Variants in ATP2B4 observed in about 807,000 individuals in gnomAD.
The protein encoded by ATP2B4 is plasma membrane calcium-transporting ATPase 4.
Under a neutral mutation model 110.3 loss-of-function variants are expected in ATP2B4, and 39 were observed. The ratio of observed to expected loss-of-function variants is 0.35; its 90% CI spans 0.27 to 0.46. The LOEUF is 0.46. ATP2B4 is among the 20% of genes least tolerant of loss of function. The pLI, the probability that ATP2B4 is intolerant of heterozygous loss-of-function variation, is 1.00. For synonymous variants in ATP2B4, 538 were observed against 571.7 expected, an observed-to-expected ratio of 0.94 and a Z score of 0.84; for missense variants, 1,135 against 1,530.9, an observed-to-expected ratio of 0.74 and a Z score of 4.32.
chr1:203,638,941 T>C (rs1490269818), intron 1 of ATP2B4, among the ~76,000 whole-genome samples: 1 of 152,142 alleles, frequency 6.6e-6, no homozygotes, highest in African/African-American at 2.4e-5. Flanking sequence ...CTCCTAACAG[T>C]CCCCTCCATG....
At position 203,699,331 on chromosome 1, in the gene ATP2B4, C is replaced by T. The variant is rs1665623313; in HGVS notation, c.392-129C>T. The stretch of plus-strand genomic sequence containing the variant: ...CTATCCTCTGATATCCTCTTCCAGC[C>T]AACAGTTGTATTTGCTATTATTCAC... On this transcript the variant is annotated intron_variant, in intron 3 of 20. Coordinates refer to ENST00000357681, the MANE Select transcript of ATP2B4 (RefSeq NM_001684.5). 3 of 1,258,118 alleles carry T rather than the reference C, an allele frequency of 2.4e-6. No individual in the cohort carries two copies. In the Middle Eastern group the frequency reaches 6.7e-4, roughly 279 times the overall value. The allele number at this position is 1,258,118 out of a possible 1,614,324, so 77.9% of individuals were successfully genotyped here.
chr1:203,653,599 A>G (rs572829937), intron 1 of ATP2B4, among the ~76,000 whole-genome samples: 10 of 152,270 alleles, frequency 6.6e-5, no homozygotes, highest in South Asian at 2.1e-4. Context: ...GTTAAAGTCA[A>G]TGTTTACCAT....
chr1:203,712,320 C>T (rs939230605), intron 13 of ATP2B4, among the ~76,000 whole-genome samples, 181 bp downstream of exon 13: 1 of 152,172 alleles, frequency 6.6e-6, no homozygotes, highest in African/African-American at 2.4e-5. Context: ...CGGCTGGGCG[C>T]GGTAGCTTAC....
chr1:203,698,189 C>T lies in ATP2B4; in HGVS notation c.226C>T (p.Arg76Cys), dbSNP rs756449111. ...TGGGAACCCTGCAGATCTGGAGAAA[C>T]GTAGGCAGGTGTTTGGACACAACGT... ...LSGNPADLEK[R>C]RQVFGHNVIP... Residue 76 changes from arginine to cysteine, a missense_variant, in exon 3 of 21, where the codon CGT becomes TGT. Arg to Cys is a radical substitution (Grantham distance 180). Around this residue, in one of 9 missense-constraint regions of ATP2B4, gnomAD observed 122 missense variants for 125.2 expected, o/e 0.97. Transcript: ENST00000357681. 4.8e-5 allele frequency: 77 copies of T among 1,614,016 alleles called. No individual in the cohort carries two copies. Among genetic ancestry groups the T allele is most frequent in the Middle Eastern group, 1.6e-4 (1 of 6,084 alleles).
chr1:203,740,000 A>T lies in ATP2B4; in HGVS notation c.*146A>T. ...TGAAGTGAACCTCTACCTGACCATG[A>T]AGAGGCAAGAGCACAGACTTACAAG... On this transcript the variant is annotated 3_prime_UTR_variant, in exon 21 of 21. Coordinates refer to ENST00000357681, the MANE Select transcript of ATP2B4 (RefSeq NM_001684.5). 2.3e-6 allele frequency: 2 copies of T among 874,928 alleles called. No individual in the cohort carries two copies. The highest frequency in any genetic ancestry group is 1.7e-5 in the African/African-American group (1 of 58,684). 54.2% of individuals were successfully genotyped at this position (874,928 alleles called of 1,614,324 possible). A position where few individuals can be genotyped will look rare whatever the true frequency, so the allele number is the denominator to read the frequency against.
At chr1:203,711,169 T>G in intron 12 of ATP2B4, 61 bp downstream of exon 12, 3 of 1,526,170 alleles carry the variant, frequency 2.0e-6, no homozygotes, top group Non-Finnish European at 2.7e-6. Context: ...CCCTTTCTAG[T>G]TGTGACCCCA....
At chr1:203,681,959 G>A (rs961351142) in intron 1 of ATP2B4, among the ~76,000 whole-genome samples, 6 of 150,776 alleles carry the variant, frequency 4.0e-5, no homozygotes, top group East Asian at 2.0e-4. Flanking sequence ...TTCACCCTGC[G>A]TCACCAACTG....
At chr1:203,641,615 G>T (rs919219770) in intron 1 of ATP2B4, among the ~76,000 whole-genome samples, 3 of 152,092 alleles carry the variant, frequency 2.0e-5, no homozygotes, top group Non-Finnish European at 4.4e-5. Context: ...TGTGCCAGCC[G>T]ATTAATATAC....
chr1:203,632,279 G>A (rs1663292335), intron 1 of ATP2B4, among the ~76,000 whole-genome samples: 1 of 150,832 alleles, frequency 6.6e-6, no homozygotes, highest in Non-Finnish European at 1.5e-5. Context: ...ATTATTAAGT[G>A]AAAAAACCAA....
chr1:203,725,907 T>TTCTTTTC (rs1288908246), intron 19 of ATP2B4, among the ~76,000 whole-genome samples: 2 of 133,448 alleles, frequency 1.5e-5, no homozygotes, highest in African/African-American at 5.5e-5. Flanking sequence ...TTCTTTTCTT[T>TTCTTTTC]TTTTTTTTTT....
intron 2 of ATP2B4, among the ~76,000 whole-genome samples, chr1:203,689,136 C>T (rs1665292315): frequency 6.6e-6 from 1 of 152,158 alleles, no homozygotes; most frequent in African/African-American, 2.4e-5. Context: ...CTTTTACCTT[C>T]TGTGTGGTTT....
intron 2 of ATP2B4, among the ~76,000 whole-genome samples, chr1:203,689,065 A>G (rs1665290248): frequency 6.6e-6 from 1 of 152,048 alleles, no homozygotes; most frequent in Admixed American, 6.6e-5. Context: ...TTCCCACCTC[A>G]ACCAATCTTT....
intron 1 of ATP2B4, among the ~76,000 whole-genome samples, chr1:203,672,343 T>TTTTTTTTTTTTTTTTTTTTTTTTG (rs1664694825): frequency 7.1e-6 from 1 of 140,996 alleles, no homozygotes; most frequent in Non-Finnish European, 1.5e-5. Flanking sequence ...TTTTTTTTTT[T>TTTTTTTTTTTTTTTTTTTTTTTTG]TTTTTTTTTT....
In ATP2B4 at chr1:203,727,453, C is replaced by T. The variant is rs756857698; in HGVS notation, c.3191C>T (p.Thr1064Ile). 9.9e-6 allele frequency: 16 copies of T among 1,614,088 alleles called. No individual in the cohort carries two copies. Among genetic ancestry groups the T allele is most frequent in the African/African-American group, 2.7e-5 (2 of 74,940 alleles). Residue 1064 changes from threonine (T) to isoleucine (I), a missense_variant, in exon 20 of 21, where the codon ACC (threonine) becomes ATC (isoleucine). Around this residue, in one of 9 missense-constraint regions of ATP2B4, gnomAD observed 61 missense variants for 123.4 expected, o/e 0.49. Transcript: ENST00000357681. ...TTCCTGAAGGAGGCTGGGCATGGCACCACCAAAGAGGAGATCACCAAGGAT... is the reference window on the plus strand; with the variant it reads ...TTCCTGAAGGAGGCTGGGCATGGCATCACCAAAGAGGAGATCACCAAGGAT... ...LKFLKEAGHG[T>I]TKEEITKDAE...
chr1:203,699,316 A>G, intron 3 of ATP2B4, 144 bp from the exon 4 acceptor site: 2 of 1,122,804 alleles, frequency 1.8e-6, no homozygotes, highest in Non-Finnish European at 2.5e-6. Context: ...CTATCCTCTG[A>G]TATCCTCTTC....
rs1663103920 is a variant in ATP2B4 at position 203,626,886 on chromosome 1, T to G, written c.-798T>G. The G allele has an allele frequency of 6.7e-6, 1 of 150,344 alleles. No homozygotes were observed. The highest frequency in any genetic ancestry group is 2.5e-5 in the African/African-American group (1 of 40,690). 9.3% of individuals were successfully genotyped at this position (150,344 alleles called of 1,614,324 possible). A position where few individuals can be genotyped will look rare whatever the true frequency, so the allele number is the denominator to read the frequency against. Reference sequence around the variant, plus strand: ...CATTTTCTTAAGAAAGCTCTGCTGTTGAGATCGTCCAAAGCTGGGGGCTGG... The same window carrying G: ...CATTTTCTTAAGAAAGCTCTGCTGTGGAGATCGTCCAAAGCTGGGGGCTGG... On this transcript the variant is annotated 5_prime_UTR_variant, in exon 1 of 21. An upstream open reading frame in the 5' UTR loses its in-frame stop. Coordinates refer to ENST00000357681, the MANE Select transcript of ATP2B4 (RefSeq NM_001684.5).
At chr1:203,635,571 CAGG>C (rs1379129201) in intron 1 of ATP2B4, among the ~76,000 whole-genome samples, 1 of 151,992 alleles carries the variant, frequency 6.6e-6, no homozygotes, top group Non-Finnish European at 1.5e-5. Context: ...CAGGCTGAGG[CAGG>C]AGGATAACTT....
At chr1:203,673,652 A>G (rs1664740608) in intron 1 of ATP2B4, among the ~76,000 whole-genome samples, 1 of 152,246 alleles carries the variant, frequency 6.6e-6, no homozygotes, top group Non-Finnish European at 1.5e-5. Context: ...GGGAGCAGCC[A>G]GGCCTGATGA....
chr1:203,690,299 T>C (rs1312345926), intron 2 of ATP2B4, among the ~76,000 whole-genome samples: 1 of 152,182 alleles, frequency 6.6e-6, no homozygotes, highest in Non-Finnish European at 1.5e-5. Flanking sequence ...GATTGAAATT[T>C]CTAGTAGTAT....
Sources: gnomAD v4.1 joint callset for allele counts (sites outside exome capture counted in the v4.1 genomes callset) on GRCh38, gnomAD v4.1.1 for gene constraint, gnomAD v4.1.1 regional missense constraint, MANE v1.5 for transcripts, NCBI Gene and HGNC (gene_info 2026-07-23, HGNC 2026-07-21) for gene names.